The following NEGR1 variants were observed in gnomAD, a reference collection of about 807,000 sequenced individuals.
NEGR1 encodes the protein neuronal growth regulator 1.
NEGR1 carries 10 observed loss-of-function variants against 40.9 expected under a neutral mutation model. The ratio of observed to expected loss-of-function variants is 0.24; its 90% confidence interval spans 0.15 to 0.42. NEGR1 has a LOEUF of 0.42. Among genes scored for constraint, NEGR1 ranks in the 10% least tolerant of loss-of-function variants. The pLI is 1.00. For missense variants in NEGR1, 352 were observed against 438.9 expected (o/e 0.80, Z 1.77); for synonymous variants, 185 against 166.8 (o/e 1.11, Z -0.84).
At chr1:72,044,790 A>G (rs1386005323) in intron 1 of NEGR1, among the ~76,000 whole-genome samples, 1 of 151,868 alleles carries the variant, frequency 6.6e-6, no homozygotes, top group East Asian at 1.9e-4. Flanking sequence ...GAAAATTATC[A>G]GATGTATTTT....
chr1:72,264,989 T>A (rs1487065271), intron 1 of NEGR1, among the ~76,000 whole-genome samples: 1 of 150,818 alleles, frequency 6.6e-6, no homozygotes, highest in African/African-American at 2.4e-5. Context: ...CTGTACTGAA[T>A]AAATTTCCGG....
chr1:71,711,798 A>G (rs935448160), intron 3 of NEGR1, among the ~76,000 whole-genome samples: 7 of 152,244 alleles, frequency 4.6e-5, no homozygotes, highest in African/African-American at 1.7e-4. Flanking sequence ...CCAATTTGCT[A>G]ATAAAATTAT....
At chr1:71,917,187 C>G (rs963329696) in intron 2 of NEGR1, among the ~76,000 whole-genome samples, 10 of 152,168 alleles carry the variant, frequency 6.6e-5, no homozygotes, top group Non-Finnish European at 1.2e-4. Context: ...AAATATTGCA[C>G]TGGGATAAGG....
At chr1:71,963,776 A>C (rs926850171) in intron 1 of NEGR1, among the ~76,000 whole-genome samples, 41 of 152,172 alleles carry the variant, frequency 2.7e-4, no homozygotes, top group Non-Finnish European at 4.6e-4. Context: ...TTGATTAAGC[A>C]TATTTAGTAA....
chr1:71,950,605 C>G (rs1646061298), intron 1 of NEGR1, among the ~76,000 whole-genome samples: 1 of 151,918 alleles, frequency 6.6e-6, no homozygotes, highest in African/African-American at 2.4e-5. Flanking sequence ...AAAATCAAAA[C>G]CTACTATATC....
intron 3 of NEGR1, among the ~76,000 whole-genome samples, chr1:71,720,195 C>T (rs1654458373): frequency 6.6e-6 from 1 of 152,096 alleles, no homozygotes; most frequent in Non-Finnish European, 1.5e-5. Context: ...TTCCATTGAA[C>T]AATGTTGTAA....
At chr1:72,273,923 A>C (rs1655944904) in intron 1 of NEGR1, among the ~76,000 whole-genome samples, 1 of 151,504 alleles carries the variant, frequency 6.6e-6, no homozygotes, top group African/African-American at 2.4e-5. Context: ...GGCCTGATAC[A>C]TGAAAGCTTC....
intron 2 of NEGR1, among the ~76,000 whole-genome samples, chr1:71,858,707 C>A (rs1288643029): frequency 1.3e-5 from 2 of 152,016 alleles, no homozygotes; most frequent in African/African-American, 4.8e-5. Context: ...GCTCTCCCAG[C>A]AGATGGTTAT....
intron 6 of NEGR1, among the ~76,000 whole-genome samples, chr1:71,500,237 GT>G (rs937782985): frequency 2.0e-5 from 3 of 151,304 alleles, no homozygotes; most frequent in East Asian, 1.9e-4. Context: ...GTTTAAATAA[GT>G]TTTTTTTTCC....
chr1:71,877,808 T>C (rs529605570), intron 2 of NEGR1, among the ~76,000 whole-genome samples: 14 of 152,312 alleles, frequency 9.2e-5, no homozygotes, highest in African/African-American at 3.1e-4. Flanking sequence ...ACTGCAGCTG[T>C]CCATATCTCA....
chr1:72,222,590 G>A (rs1654049188), intron 1 of NEGR1, among the ~76,000 whole-genome samples: 1 of 152,100 alleles, frequency 6.6e-6, no homozygotes, highest in African/African-American at 2.4e-5. Context: ...AGGAAACTCA[G>A]CAAGCTTCTA....
At chr1:72,246,485 G>T (rs1232575188) in intron 1 of NEGR1, among the ~76,000 whole-genome samples, 2 of 152,172 alleles carry the variant, frequency 1.3e-5, no homozygotes, top group Non-Finnish European at 2.9e-5. Context: ...CCTGCCTAAA[G>T]ATAGCCCATT....
intron 2 of NEGR1, among the ~76,000 whole-genome samples, chr1:71,787,414 G>A (rs538281320): frequency 2.0e-5 from 3 of 152,266 alleles, no homozygotes; most frequent in South Asian, 4.1e-4. Flanking sequence ...TATGAGTAAT[G>A]TGAGTCAGGA....
intron 4 of NEGR1, among the ~76,000 whole-genome samples, chr1:71,645,604 T>C (rs1447995125): frequency 6.6e-6 from 1 of 151,908 alleles, no homozygotes; most frequent in East Asian, 1.9e-4. Context: ...TAGGCCTTTT[T>C]ATGTTTTTAA....
At chr1:72,249,326 T>G (rs1354059688) in intron 1 of NEGR1, among the ~76,000 whole-genome samples, 1 of 152,250 alleles carries the variant, frequency 6.6e-6, no homozygotes, top group Non-Finnish European at 1.5e-5. Context: ...ATTTAAAACC[T>G]ACCCAGTTCA....
intron 4 of NEGR1, among the ~76,000 whole-genome samples, chr1:71,654,868 A>T (rs181100972): frequency 6.6e-6 from 1 of 152,190 alleles, no homozygotes; most frequent in Non-Finnish European, 1.5e-5. Context: ...ATGGAATACT[A>T]AATATTTTCC....
intron 1 of NEGR1, among the ~76,000 whole-genome samples, chr1:72,190,576 C>T (rs1044137902): frequency 1.3e-5 from 2 of 151,554 alleles, no homozygotes; most frequent in Non-Finnish European, 3.0e-5. Flanking sequence ...CACAATTTTA[C>T]TTTCTGTCAA....
chr1:72,119,413 T>C (rs997849209), intron 1 of NEGR1, among the ~76,000 whole-genome samples: 2 of 151,952 alleles, frequency 1.3e-5, no homozygotes, highest in Non-Finnish European at 2.9e-5. Context: ...ATTAGCATGA[T>C]ATTATATTTA....
intron 2 of NEGR1, among the ~76,000 whole-genome samples, chr1:71,811,301 T>G (rs1236625940): frequency 1.3e-5 from 2 of 152,082 alleles, no homozygotes; most frequent in Non-Finnish European, 2.9e-5. Flanking sequence ...ATTATCATAA[T>G]TTATTAATAA....
Sources: allele counts gnomAD v4.1 joint callset (sites outside exome capture counted in the v4.1 genomes callset), GRCh38; gene constraint gnomAD v4.1.1; transcripts MANE v1.5; gene names NCBI Gene and HGNC (gene_info 2026-07-23, HGNC 2026-07-21).